The following ACSL3 variants were observed in gnomAD, a reference collection of about 807,000 sequenced individuals.
The protein encoded by ACSL3 is acyl-CoA synthetase long chain family member 3.
Under a neutral mutation model 84.7 loss-of-function variants are expected in ACSL3, and 34 were observed. That is an observed-to-expected ratio of 0.40 (90% CI 0.31 to 0.53). The LOEUF is 0.53. Among genes scored for constraint, ACSL3 ranks in the 20% least tolerant of loss-of-function variants. The pLI, the probability that ACSL3 is intolerant of heterozygous loss-of-function variation, is 0.48. For missense variants in ACSL3, 680 were observed against 873.1 expected (o/e 0.78, Z 2.79); for synonymous variants, 315 against 299.4 (o/e 1.05, Z -0.54).
intron 12 of ACSL3, among the ~76,000 whole-genome samples, chr2:222,928,209 C>T (rs573502199): frequency 6.6e-6 from 1 of 152,284 alleles, no homozygotes; most frequent in East Asian, 1.9e-4. Context: ...AGCCACCAGT[C>T]TTATTCTTCA....
At chr2:222,918,750 G>A (rs1399374410) in intron 6 of ACSL3, among the ~76,000 whole-genome samples, 2 of 150,794 alleles carry the variant, frequency 1.3e-5, no homozygotes, top group Admixed American at 1.3e-4. Flanking sequence ...GAAAATATGA[G>A]GGGCTTCTGG....
At chr2:222,887,710 A>G (rs1300333043) in intron 1 of ACSL3, 120 bp from the exon 2 acceptor site, 2 of 152,210 alleles carry the variant, frequency 1.3e-5, no homozygotes, top group Admixed American at 1.3e-4. Context: ...AGAAAAACTC[A>G]CCGGAAACTT....
chr2:222,866,080 AG>A (rs1695130485), intron 1 of ACSL3, among the ~76,000 whole-genome samples: 1 of 152,214 alleles, frequency 6.6e-6, no homozygotes. Context: ...TAAGGATAAT[AG>A]CCAACACCTT....
At chr2:222,892,580 T>A (rs184000496) in intron 2 of ACSL3, among the ~76,000 whole-genome samples, 58 of 152,312 alleles carry the variant, frequency 3.8e-4, no homozygotes, top group Non-Finnish European at 6.0e-4. Context: ...CATCTGGGAC[T>A]CTTAAGTCTC....
At chr2:222,910,382 A>G (rs569214174) in intron 4 of ACSL3, among the ~76,000 whole-genome samples, 3 of 152,302 alleles carry the variant, frequency 2.0e-5, no homozygotes, top group South Asian at 2.1e-4. Context: ...TAGGTTTAAT[A>G]TCTTTTAACC....
intron 1 of ACSL3, among the ~76,000 whole-genome samples, chr2:222,882,362 A>G (rs1051596217): frequency 7.2e-5 from 11 of 152,164 alleles, no homozygotes; most frequent in Admixed American, 2.0e-4. Context: ...TTTCTGAGAC[A>G]TCTGATGCCA....
chr2:222,880,114 A>G (rs559206597), intron 1 of ACSL3, among the ~76,000 whole-genome samples: 2 of 152,260 alleles, frequency 1.3e-5, no homozygotes, highest in Admixed American at 6.5e-5. Flanking sequence ...TCCCATGACT[A>G]TTTCTGGTTT....
chr2:222,885,901 C>A (rs1460708735), intron 1 of ACSL3, among the ~76,000 whole-genome samples: 2 of 152,068 alleles, frequency 1.3e-5, no homozygotes, highest in East Asian at 3.9e-4. Context: ...CGCCACCACA[C>A]CTGGCTAATT....
At chr2:222,884,651 C>T (rs1456630507) in intron 1 of ACSL3, among the ~76,000 whole-genome samples, 1 of 152,140 alleles carries the variant, frequency 6.6e-6, no homozygotes, top group Non-Finnish European at 1.5e-5. Context: ...TTTATAAGGA[C>T]ATTTGTGAGG....
intron 2 of ACSL3, among the ~76,000 whole-genome samples, chr2:222,898,783 C>A (rs992326570): frequency 6.6e-6 from 1 of 152,018 alleles, no homozygotes; most frequent in African/African-American, 2.4e-5. Context: ...GCCGAGATTG[C>A]GCCACTGCAC....
At position 222,941,755 on chromosome 2, in the gene ACSL3, A is replaced by G. The variant is rs1309354148; in HGVS notation, c.*101A>G. ...CTGCAAGGCAAACTCCATTCCTCAT[A>G]TTAAACTATTACTTCTCATGACGTC... On this transcript the variant is annotated 3_prime_UTR_variant, in exon 17 of 17. Coordinates refer to ENST00000357430, the MANE Select transcript of ACSL3 (RefSeq NM_004457.5). 9 of 1,282,510 alleles carry G rather than the reference A, an allele frequency of 7.0e-6. No homozygotes were observed. The highest frequency in any genetic ancestry group is 9.5e-6 in the Non-Finnish European group (9 of 944,844). The allele number at this position is 1,282,510 out of a possible 1,614,324, so 79.4% of individuals were successfully genotyped here. A position where few individuals can be genotyped will look rare whatever the true frequency, so the allele number is the denominator to read the frequency against.
At position 222,933,496 on chromosome 2, in the gene ACSL3, C is replaced by G. The variant is rs1379636381; in HGVS notation, c.1847+216C>G. On this transcript the variant is annotated intron_variant, in intron 15 of 16. Transcript: ENST00000357430. ...TCTGTCCCTGTTTTCTGCTTTACGT[C>G]TCACTGCAGTGTCCCATGGAGGGAG... 17 of 444,618 alleles carry G rather than the reference C, an allele frequency of 3.8e-5. No individual in the cohort carries two copies. The Admixed American group carries it at 6.7e-4, about 18-fold the overall frequency. 27.5% of individuals were successfully genotyped at this position (444,618 alleles called of 1,614,324 possible). A position where few individuals can be genotyped will look rare whatever the true frequency, so the allele number is the denominator to read the frequency against.
chr2:222,925,652 C>T (rs1216161537), intron 11 of ACSL3, among the ~76,000 whole-genome samples: 1 of 152,192 alleles, frequency 6.6e-6, no homozygotes, highest in Non-Finnish European at 1.5e-5. Flanking sequence ...GTTTAAAAAA[C>T]CTGCAATGTC....
chr2:222,940,878 A>C (rs1697287147), intron 16 of ACSL3, among the ~76,000 whole-genome samples: 1 of 151,988 alleles, frequency 6.6e-6, no homozygotes, highest in Admixed American at 6.6e-5. Context: ...TGGATACCCT[A>C]TTAGATACCT....
chr2:222,875,155 G>A (rs1032545374), intron 1 of ACSL3, among the ~76,000 whole-genome samples: 2 of 152,092 alleles, frequency 1.3e-5, no homozygotes, highest in Non-Finnish European at 2.9e-5. Context: ...TAAATGCTCA[G>A]TAAATGTACC....
At chr2:222,873,695 T>C (rs2106086651) in intron 1 of ACSL3, among the ~76,000 whole-genome samples, 1 of 152,342 alleles carries the variant, frequency 6.6e-6, no homozygotes, top group Admixed American at 6.5e-5. Context: ...CATGAGCAAT[T>C]CCCATGTTAT....
At chr2:222,877,721 A>G (rs1386702433) in intron 1 of ACSL3, among the ~76,000 whole-genome samples, 1 of 152,186 alleles carries the variant, frequency 6.6e-6, no homozygotes, top group Non-Finnish European at 1.5e-5. Flanking sequence ...TACATGCTAG[A>G]AATTTGGATG....
chr2:222,876,545 C>T (rs995859330), intron 1 of ACSL3, among the ~76,000 whole-genome samples: 4 of 151,976 alleles, frequency 2.6e-5, no homozygotes, highest in Non-Finnish European at 1.5e-5. Flanking sequence ...TGGTCTTGAA[C>T]GCCTGGACTC....
intron 1 of ACSL3, among the ~76,000 whole-genome samples, chr2:222,887,217 T>C (rs1459138341): frequency 6.6e-6 from 1 of 152,214 alleles, no homozygotes; most frequent in Non-Finnish European, 1.5e-5. Context: ...CTTTGTAATA[T>C]GCATTTAAGT....
Sources: allele counts gnomAD v4.1 joint callset (sites outside exome capture counted in the v4.1 genomes callset), GRCh38; gene constraint gnomAD v4.1.1; transcripts MANE v1.5; gene names NCBI Gene and HGNC (gene_info 2026-07-23, HGNC 2026-07-21).